UQCRH: variants seen among roughly 807,000 people sequenced by gnomAD.
The protein encoded by UQCRH is ubiquinol-cytochrome c reductase hinge protein, also known as cytochrome b-c1 complex subunit 6, mitochondrial.
Under a neutral mutation model 16.3 loss-of-function variants are expected in UQCRH, and 14 were observed. The observed-to-expected ratio is 0.86, with a 90% CI of 0.57 to 1.34. The LOEUF (loss-of-function observed/expected upper bound fraction) is 1.34. UQCRH is among the 40% of genes most tolerant of loss of function. The probability of loss-of-function intolerance (pLI) is 0.00; values close to 1 mark genes in which losing one functional copy is unlikely to be tolerated. For missense variants in UQCRH, 89 were observed against 111.9 expected (o/e 0.80, Z 0.92); for synonymous variants, 41 against 41.9 (o/e 0.98, Z 0.08).
intron 3 of UQCRH, among the ~76,000 whole-genome samples, chr1:46,315,954 C>G (rs566164340): frequency 2.6e-5 from 4 of 152,120 alleles, no homozygotes; most frequent in Non-Finnish European, 4.4e-5. Flanking sequence ...TGGTTCATTC[C>G]TTCACTGAGT....
intron 2 of UQCRH, chr1:46,309,883 A>T (rs1661436564): frequency 1.1e-5 from 15 of 1,374,368 alleles, no homozygotes; most frequent in Non-Finnish European, 1.4e-5. Flanking sequence ...TTCCTTTACC[A>T]CCTTGTTTTT....
intron 3 of UQCRH, among the ~76,000 whole-genome samples, chr1:46,311,638 G>C (rs1456023289): frequency 5.9e-5 from 9 of 151,550 alleles, no homozygotes; most frequent in African/African-American, 2.2e-4. Flanking sequence ...TGTCGCCCAG[G>C]CTGGAGTGCA....
intron 3 of UQCRH, among the ~76,000 whole-genome samples, chr1:46,310,793 C>T (rs943170566): frequency 1.3e-4 from 20 of 152,110 alleles, no homozygotes; most frequent in African/African-American, 4.8e-4. Flanking sequence ...TTGCCTAGGG[C>T]GCGGTGGCTC....
chr1:46,304,563 T>C (rs1661326810), intron 1 of UQCRH, among the ~76,000 whole-genome samples: 1 of 151,968 alleles, frequency 6.6e-6, no homozygotes, highest in South Asian at 2.1e-4. Context: ...TTTTTGTGTT[T>C]TTAGTAGCGA....
chr1:46,309,002 A>T, intron 1 of UQCRH, 99 bp from the exon 2 acceptor site: 1 of 1,332,438 alleles, frequency 7.5e-7, no homozygotes, highest in East Asian at 2.4e-5. Context: ...TAACATCGTT[A>T]ATAGTGTCAG....
Position 46,316,710 on chromosome 1 carries a change from C to A in UQCRH, c.*126C>A. On this transcript the variant is annotated 3_prime_UTR_variant, in exon 4 of 4. Coordinates refer to ENST00000311672, the MANE Select transcript of UQCRH (RefSeq NM_006004.4). ...GTTCACATGAACCTCATGGGTTTGG[C>A]TTAGGCTGGTAGCTTCTATGTAATT... is the stretch of plus-strand genomic sequence containing the variant. The A allele has an allele frequency of 7.0e-7, 1 of 1,423,178 alleles. No individual in the cohort carries two copies. Among genetic ancestry groups the A allele is most frequent in the Non-Finnish European group, 9.5e-7 (1 of 1,050,480 alleles). 88.2% of individuals were successfully genotyped at this position (1,423,178 alleles called of 1,614,324 possible). A position where few individuals can be genotyped will look rare whatever the true frequency, so the allele number is the denominator to read the frequency against.
At chr1:46,316,477 C>A (rs543324601) in intron 3 of UQCRH, 75 bp from the exon 4 acceptor site, 1 of 1,597,720 alleles carries the variant, frequency 6.3e-7, no homozygotes, top group African/African-American at 1.3e-5. Context: ...AGTACTGTTT[C>A]AGGTCTTGAA....
At chr1:46,305,473 G>A (rs1341911806) in intron 1 of UQCRH, among the ~76,000 whole-genome samples, 3 of 13,970 alleles carry the variant, frequency 2.1e-4, no homozygotes, top group African/African-American at 4.4e-4. Flanking sequence ...CACTTTGGGA[G>A]GCCGAGGCGG....
At chr1:46,315,242 C>T (rs1341971023) in intron 3 of UQCRH, among the ~76,000 whole-genome samples, 5 of 152,104 alleles carry the variant, frequency 3.3e-5, no homozygotes, top group South Asian at 4.1e-4. Context: ...GTCGGGAGTT[C>T]GAGACCAGCC....
chr1:46,304,402 T>C (rs1355238743), intron 1 of UQCRH, among the ~76,000 whole-genome samples: 3 of 119,438 alleles, frequency 2.5e-5, no homozygotes, highest in African/African-American at 5.9e-5. Context: ...TTTTTTTTTT[T>C]TGAGATGGAA....
intron 3 of UQCRH, among the ~76,000 whole-genome samples, chr1:46,313,839 T>G (rs1026683279): frequency 1.4e-5 from 2 of 147,432 alleles, no homozygotes; most frequent in Non-Finnish European, 3.0e-5. Flanking sequence ...AGACCCTGTC[T>G]CAAAAAAAAA....
rs1428539076 is a variant in UQCRH at position 46,312,190 on chromosome 1, G to A, written c.243+1874G>A. Among the ~76,000 whole-genome samples the A allele has an allele frequency of 4.6e-5, 7 of 152,004 alleles. No homozygotes were observed. The South Asian group carries it at 1.5e-3, about 32-fold the overall frequency. On this transcript the variant is annotated intron_variant, in intron 3 of 3. Transcript: ENST00000311672. ...GGCTCACTGCAACCTCCACCTCCTG[G>A]GTTCAAGCGATTTTCCTGCTTCAGC...
intron 3 of UQCRH, among the ~76,000 whole-genome samples, chr1:46,316,210 T>G (rs1569701618): frequency 6.6e-6 from 1 of 152,228 alleles, no homozygotes; most frequent in South Asian, 2.1e-4. Flanking sequence ...CTTAGAACAC[T>G]ACCTGGCATA....
At chr1:46,307,756 G>T (rs1194985019) in intron 1 of UQCRH, among the ~76,000 whole-genome samples, 4 of 152,206 alleles carry the variant, frequency 2.6e-5, no homozygotes, top group Non-Finnish European at 5.9e-5. Context: ...GGTTCTGGGA[G>T]TTCAGCAAGC....
chr1:46,305,489 TCGGGAGGCCGAGGCGGG>T, intron 1 of UQCRH, among the ~76,000 whole-genome samples: 1 of 14,256 alleles, frequency 7.0e-5, no homozygotes, highest in African/African-American at 1.5e-4. Context: ...GGCGGGTGGA[TCGGGAGGCCGAGGCGGG>T]TGGATCGGGA....
intron 1 of UQCRH, 102 bp from the exon 2 acceptor site, chr1:46,308,999 G>A (rs938084055): frequency 3.7e-5 from 49 of 1,321,110 alleles, no homozygotes; most frequent in African/African-American, 1.5e-4. Context: ...AAATAACATC[G>A]TTAATAGTGT....
chr1:46,313,092 GAT>G (rs1231062241), intron 3 of UQCRH, among the ~76,000 whole-genome samples: 4 of 152,092 alleles, frequency 2.6e-5, no homozygotes, highest in African/African-American at 9.7e-5. Flanking sequence ...TACACTCGAA[GAT>G]ATATACCCAA....
intron 2 of UQCRH, chr1:46,309,882 C>T (rs1007551670): frequency 7.3e-7 from 1 of 1,369,964 alleles, no homozygotes; most frequent in African/African-American, 1.5e-5. Context: ...TTTCCTTTAC[C>T]ACCTTGTTTT....
intron 3 of UQCRH, among the ~76,000 whole-genome samples, chr1:46,311,721 TAGCTGGGA>T (rs1661480871): frequency 6.8e-6 from 1 of 146,364 alleles, no homozygotes; most frequent in Non-Finnish European, 1.5e-5. Context: ...GCCTCCCGAG[TAGCTGGGA>T]CCGCAGGCGC....
Sources: gnomAD v4.1 joint callset for allele counts (sites outside exome capture counted in the v4.1 genomes callset) on GRCh38, gnomAD v4.1.1 for gene constraint, MANE v1.5 for transcripts, NCBI Gene and HGNC (gene_info 2026-07-23, HGNC 2026-07-21) for gene names.